SYNE1: variants seen among roughly 807,000 people sequenced by gnomAD.
The protein encoded by SYNE1 is spectrin repeat containing nuclear envelope protein 1.
A neutral mutation model predicts 1,111.0 loss-of-function variants in SYNE1; 616 were observed. That is an observed-to-expected ratio of 0.55 (90% CI 0.52 to 0.59). The LOEUF is 0.59. Among genes scored for constraint, SYNE1 ranks in the 20% least tolerant of loss-of-function variants. The pLI is 0.00. For synonymous variants in SYNE1, 3,855 were observed against 3,825.8 expected, an observed-to-expected ratio of 1.01 and a Z score of -0.28; for missense variants, 10,006 against 10,417.0, an observed-to-expected ratio of 0.96 and a Z score of 1.72.
In SYNE1 at chr6:152,155,091, C is replaced by T. The variant is rs200229248; in HGVS notation, c.23979-49G>A. 280 of 1,611,518 alleles carry T rather than the reference C, an allele frequency of 1.7e-4. 2 individuals are homozygous for T. Among genetic ancestry groups the T allele is most frequent in the African/African-American group, 9.3e-5 (7 of 74,994 alleles). On this transcript the variant is annotated intron_variant, in intron 132 of 145. Coordinates refer to ENST00000367255, the MANE Select transcript of SYNE1 (RefSeq NM_182961.4). ...GATTCAGATTATTGGAGACTGTTTT[C>T]GCTCCAGAACCCGGTCTGCTGCCTG...
At chr6:152,300,301 T>C (rs2095101855) in intron 93 of SYNE1, among the ~76,000 whole-genome samples, 1 of 152,212 alleles carries the variant, frequency 6.6e-6, no homozygotes, top group South Asian at 2.1e-4. Context: ...TCACGTTATT[T>C]TACAATGGTG....
chr6:152,335,621 G>GA (rs1331386175), intron 76 of SYNE1: 1 of 151,892 alleles, frequency 6.6e-6, no homozygotes, highest in African/African-American at 2.4e-5. Context: ...TAATCACAGA[G>GA]AAAAAACATC....
At chr6:152,198,793 C>T (rs556725285) in intron 127 of SYNE1, among the ~76,000 whole-genome samples, 1 of 152,144 alleles carries the variant, frequency 6.6e-6, no homozygotes, top group Admixed American at 6.5e-5. Context: ...TGTGTGGTGC[C>T]ACTAATTACA....
At chr6:152,558,771 T>C (rs2099384106) in intron 3 of SYNE1, among the ~76,000 whole-genome samples, 1 of 152,126 alleles carries the variant, frequency 6.6e-6, no homozygotes, top group Non-Finnish European at 1.5e-5. Context: ...CGTTTGACAA[T>C]GGATAGATCA....
chr6:152,378,870 A>C (rs2097342717), intron 56 of SYNE1, among the ~76,000 whole-genome samples: 1 of 152,174 alleles, frequency 6.6e-6, no homozygotes, highest in South Asian at 2.1e-4. Flanking sequence ...TGATTATGAG[A>C]GCAGGAATGA....
At chr6:152,624,351 A>C (rs2099681801) in intron 3 of SYNE1, among the ~76,000 whole-genome samples, 1 of 152,190 alleles carries the variant, frequency 6.6e-6, no homozygotes, top group Non-Finnish European at 1.5e-5. Context: ...TCACATTTAA[A>C]ATGTAGTTAA....
chr6:152,432,867 T>C (rs1215525978), intron 34 of SYNE1, among the ~76,000 whole-genome samples: 1 of 152,074 alleles, frequency 6.6e-6, no homozygotes, highest in Non-Finnish European at 1.5e-5. Context: ...AAAGAAGACA[T>C]AGCAGACTGT....
At chr6:152,395,718 G>A (rs2097721546) in intron 50 of SYNE1, 47 bp from the exon 51 acceptor site, 1 of 1,601,878 alleles carries the variant, frequency 6.2e-7, no homozygotes, top group East Asian at 2.2e-5. Context: ...TGCTTGTTAT[G>A]ATAAATTACT....
chr6:152,206,443 CT>C, intron 125 of SYNE1, 81 bp from the exon 126 acceptor site: 1 of 1,489,086 alleles, frequency 6.7e-7, no homozygotes, highest in Non-Finnish European at 9.2e-7. Context: ...ATGGCCCTAA[CT>C]TTTGCCCTCT....
intron 42 of SYNE1, among the ~76,000 whole-genome samples, chr6:152,410,611 T>C (rs2098015221): frequency 6.6e-6 from 1 of 152,152 alleles, no homozygotes; most frequent in South Asian, 2.1e-4. Flanking sequence ...GGCGCATGCC[T>C]GTAATCCTAC....
chr6:152,414,400 C>A (rs965403718), intron 41 of SYNE1, among the ~76,000 whole-genome samples: 37 of 151,986 alleles, frequency 2.4e-4, no homozygotes, highest in Non-Finnish European at 5.3e-4. Context: ...CAGAGCACAA[C>A]CCTGTCTCAA....
chr6:152,520,640 A>G, intron 5 of SYNE1, 98 bp from the exon 6 acceptor site: 1 of 1,366,304 alleles, frequency 7.3e-7, no homozygotes, highest in Non-Finnish European at 1.0e-6. Context: ...ATACTTGAAG[A>G]ATATTCAAAA....
intron 3 of SYNE1, among the ~76,000 whole-genome samples, chr6:152,603,871 ACTAT>A (rs1362741260): frequency 7.5e-5 from 10 of 133,892 alleles, no homozygotes; most frequent in East Asian, 6.4e-4. Context: ...AGATAGATAT[ACTAT>A]CTATCTATAC....
intron 14 of SYNE1, among the ~76,000 whole-genome samples, chr6:152,480,475 C>T (rs1052898835): frequency 5.3e-5 from 8 of 152,130 alleles, no homozygotes; most frequent in African/African-American, 1.4e-4. Context: ...GAGCCAAGAT[C>T]GCACCATTGC....
chr6:152,511,453 G>T lies in SYNE1; in HGVS notation c.310-350C>A, dbSNP rs1020259333. ...GGTTGACTGGAGCTTAAAAGAAACTGCAATGAGAAGTTTAAGAAGATGCAC... is the reference window on the plus strand; with the variant it reads ...GGTTGACTGGAGCTTAAAAGAAACTTCAATGAGAAGTTTAAGAAGATGCAC... On this transcript the variant is annotated intron_variant, in intron 6 of 145. Coordinates refer to ENST00000367255, the MANE Select transcript of SYNE1 (RefSeq NM_182961.4). 11 of 876,458 alleles carry T rather than the reference G, an allele frequency of 1.3e-5. No individual in the cohort carries two copies. In the African/African-American group the frequency reaches 1.3e-4, roughly 11 times the overall value. The allele number at this position is 876,458 out of a possible 1,614,324, so 54.3% of individuals were successfully genotyped here.
chr6:152,144,993 G>A (rs959171710), intron 137 of SYNE1: 2 of 167,310 alleles, frequency 1.2e-5, no homozygotes, highest in African/African-American at 4.8e-5. Context: ...TTTTAGAGCT[G>A]AAATCTGATC....
chr6:152,578,410 C>T (rs2099508599), intron 3 of SYNE1, among the ~76,000 whole-genome samples: 1 of 152,136 alleles, frequency 6.6e-6, no homozygotes, highest in South Asian at 2.1e-4. Flanking sequence ...GCCTGGCCAA[C>T]ATGGTGAAAT....
rs200240881 is a variant in SYNE1, at chr6:152,122,553, G to A, written c.26277C>T (p.Ile8759=). 6 of 1,614,210 alleles carry A rather than the reference G, an allele frequency of 3.7e-6. No homozygotes were observed. Among genetic ancestry groups the A allele is most frequent in the South Asian group, 1.1e-5 (1 of 91,088 alleles). The change falls in exon 146 of 146, where the codon ATC becomes ATT. Residue 8759 remains isoleucine, a synonymous_variant. Transcript: ENST00000367255. ...LPLQLLLLLL[I]GLACLVPMSE... ...ACATTGGTACAAGGCAGGCAAGCCC[G>A]ATGAGGAGGAGCAGGAGAAGCTGAA... is the stretch of plus-strand genomic sequence containing the variant.
chr6:152,395,377 G>C (rs1259602838), intron 51 of SYNE1, 139 bp downstream of exon 51: 14 of 840,452 alleles, frequency 1.7e-5, no homozygotes, highest in East Asian at 2.4e-5. Flanking sequence ...ATAGTCCTCT[G>C]TATTCCAGAC....
Sources: allele counts gnomAD v4.1 joint callset (sites outside exome capture counted in the v4.1 genomes callset), GRCh38; gene constraint gnomAD v4.1.1; transcripts MANE v1.5; gene names NCBI Gene and HGNC (gene_info 2026-07-23, HGNC 2026-07-21).